TMX2: variants seen among roughly 807,000 people sequenced by gnomAD.
TMX2 encodes thioredoxin-related transmembrane protein 2.
In TMX2, 20 loss-of-function variants were observed where a neutral mutation model predicts 33.4. The observed-to-expected ratio is 0.60, with a 90% CI of 0.42 to 0.87. The LOEUF is 0.87. Among genes scored for constraint, TMX2 ranks in the 40% least tolerant of loss-of-function variants. The probability of loss-of-function intolerance (pLI) is 0.00; values close to 1 mark genes in which losing one functional copy is unlikely to be tolerated. For synonymous variants in TMX2, 166 were observed against 140.7 expected, an observed-to-expected ratio of 1.18 and a Z score of -1.27; for missense variants, 340 against 370.7, an observed-to-expected ratio of 0.92 and a Z score of 0.68.
chr11:57,724,990 G>A (rs569757686), intron 1 of TMX2, among the ~76,000 whole-genome samples: 2 of 149,056 alleles, frequency 1.3e-5, no homozygotes, highest in East Asian at 4.0e-4. Flanking sequence ...AGTGAGCCAA[G>A]ATCGTGCCAC....
At chr11:57,738,325 T>G (rs1251970779) in intron 3 of TMX2, 29 bp from the exon 4 acceptor site, 1 of 1,538,296 alleles carries the variant, frequency 6.5e-7, no homozygotes, top group South Asian at 1.1e-5. Context: ...CTTTTTATGT[T>G]TCCTTCGACA....
intron 1 of TMX2, among the ~76,000 whole-genome samples, chr11:57,729,782 A>G (rs1948238507): frequency 6.6e-6 from 1 of 152,204 alleles, no homozygotes; most frequent in Non-Finnish European, 1.5e-5. Context: ...TACTGAAAAT[A>G]TATAAAGAGC....
chr11:57,712,842 G>C (rs760209280), intron 1 of TMX2, 35 bp downstream of exon 1: 1 of 1,612,040 alleles, frequency 6.2e-7, no homozygotes, highest in Non-Finnish European at 8.5e-7. Flanking sequence ...CCGCGACCTT[G>C]ACTGTCCCTG....
At chr11:57,715,879 CAG>C (rs1410606740) in intron 1 of TMX2, among the ~76,000 whole-genome samples, 1 of 151,882 alleles carries the variant, frequency 6.6e-6, no homozygotes, top group Non-Finnish European at 1.5e-5. Context: ...GCACATGTTT[CAG>C]AGAGCACAGG....
intron 1 of TMX2, among the ~76,000 whole-genome samples, chr11:57,730,120 T>A (rs1948266801): frequency 7.6e-6 from 1 of 132,108 alleles, no homozygotes; most frequent in Non-Finnish European, 1.7e-5. Context: ...CAAAAAAAAA[T>A]AATTATATAT....
At chr11:57,729,554 G>C (rs1948222058) in intron 1 of TMX2, among the ~76,000 whole-genome samples, 1 of 152,122 alleles carries the variant, frequency 6.6e-6, no homozygotes, top group Non-Finnish European at 1.5e-5. Context: ...TAGCACACCA[G>C]ACTTTCTCTT....
chr11:57,722,360 A>G (rs946315871), intron 1 of TMX2, among the ~76,000 whole-genome samples: 4 of 152,146 alleles, frequency 2.6e-5, no homozygotes, highest in African/African-American at 9.7e-5. Context: ...AGACAATAAA[A>G]TCAGGTGTGA....
At chr11:57,733,530 T>TA (rs1359425262) in intron 1 of TMX2, among the ~76,000 whole-genome samples, 3 of 151,990 alleles carry the variant, frequency 2.0e-5, no homozygotes, top group Non-Finnish European at 4.4e-5. Context: ...GTGCTGCGAT[T>TA]ACAGGCGTGA....
chr11:57,732,716 C>T (rs569755894), intron 1 of TMX2, among the ~76,000 whole-genome samples: 4 of 152,208 alleles, frequency 2.6e-5, no homozygotes, highest in Admixed American at 1.3e-4. Context: ...GATAGCTAAA[C>T]ACAGGAAGGT....
chr11:57,712,911 C>T, intron 1 of TMX2, 104 bp downstream of exon 1: 3 of 1,271,348 alleles, frequency 2.4e-6, no homozygotes, highest in Non-Finnish European at 1.1e-6. Flanking sequence ...CCTGAGGTTC[C>T]GAGCCTGTAG....
intron 1 of TMX2, chr11:57,718,418 A>C (rs1430824105): frequency 4.6e-6 from 6 of 1,307,874 alleles, no homozygotes; most frequent in Non-Finnish European, 6.6e-6. Flanking sequence ...TCCAGTGCTC[A>C]GAGCACGAAA....
chr11:57,717,508 C>T (rs971678384), intron 1 of TMX2, among the ~76,000 whole-genome samples: 50 of 151,926 alleles, frequency 3.3e-4, no homozygotes, highest in Non-Finnish European at 6.8e-4. Context: ...GGAGACCAGC[C>T]CGGCCAACAC....
chr11:57,735,676 A>G (rs1034551041), intron 1 of TMX2, among the ~76,000 whole-genome samples: 5 of 152,222 alleles, frequency 3.3e-5, no homozygotes, highest in South Asian at 4.1e-4. Flanking sequence ...TTAATAAGCT[A>G]TCGGCAGAGT....
intron 1 of TMX2, among the ~76,000 whole-genome samples, chr11:57,719,417 C>G (rs1268918119): frequency 6.6e-6 from 1 of 151,030 alleles, no homozygotes; most frequent in African/African-American, 2.4e-5. Flanking sequence ...CACTGAAACC[C>G]CCTTTAAAAA....
chr11:57,718,651 CTCTT>C, intron 1 of TMX2: 2 of 317,614 alleles, frequency 6.3e-6, no homozygotes, highest in Non-Finnish European at 1.2e-5. Flanking sequence ...ATAACCCCCC[CTCTT>C]TTTTTTTTTT....
rs540373559 is a variant in TMX2 at position 57,731,636 on chromosome 11, C to T, written c.190-5972C>T. ...TCTTAAAATATTTTACAGAGTTTGA[C>T]TCTTTTCGTCAACACTGGCCACTGG... On this transcript the variant is annotated intron_variant, in intron 1 of 7. Transcript: ENST00000278422. 2.0e-5 allele frequency among the ~76,000 whole-genome samples: 3 copies of T among 152,154 alleles called. 1 individual carries two copies. The Middle Eastern group carries it at 0.01, about 518-fold the overall frequency.
At position 57,737,111 on chromosome 11, in the gene TMX2, C is replaced by T. The variant is rs1410329088; in HGVS notation, c.190-497C>T. On this transcript the variant is annotated intron_variant, in intron 1 of 7. Coordinates refer to ENST00000278422, the MANE Select transcript of TMX2 (RefSeq NM_015959.4). ...AATAGATACTGTTCAGTTGAGGAAA[C>T]CAAAGCTAAGGGATTAAGTGCTTTG... Among the ~76,000 whole-genome samples the T allele has an allele frequency of 3.3e-5, 5 of 152,126 alleles. No individual in the cohort carries two copies. In the East Asian group the frequency reaches 7.7e-4, roughly 23 times the overall value.
chr11:57,733,411 C>T (rs948432771), intron 1 of TMX2, among the ~76,000 whole-genome samples: 3 of 151,920 alleles, frequency 2.0e-5, no homozygotes, highest in African/African-American at 4.8e-5. Context: ...CCCGCCATCA[C>T]GCCTGGCTGA....
intron 1 of TMX2, among the ~76,000 whole-genome samples, chr11:57,730,292 T>TG (rs1948281290): frequency 7.0e-6 from 1 of 142,624 alleles, no homozygotes; most frequent in East Asian, 2.1e-4. Flanking sequence ...CCAGCCATGG[T>TG]GGTGGGCGCC....
Sources: gnomAD v4.1 joint callset for allele counts (sites outside exome capture counted in the v4.1 genomes callset) on GRCh38, gnomAD v4.1.1 for gene constraint, MANE v1.5 for transcripts, NCBI Gene and HGNC (gene_info 2026-07-23, HGNC 2026-07-21) for gene names.